The following APOLD1 variants were observed in gnomAD, a reference collection of about 807,000 sequenced individuals.
APOLD1 encodes apolipoprotein L domain-containing protein 1.
Under a neutral mutation model 15.3 loss-of-function variants are expected in APOLD1, and 22 were observed. The ratio of observed to expected loss-of-function variants is 1.44; its 90% CI spans 1.03 to 2.05. The LOEUF (loss-of-function observed/expected upper bound fraction) is 2.05. Among genes scored for constraint, APOLD1 ranks in the 30% most tolerant of loss-of-function variants. The pLI is 0.00. For missense variants in APOLD1, 394 were observed against 353.5 expected (o/e 1.11, Z -0.92); for synonymous variants, 190 against 167.4 (o/e 1.13, Z -1.04).
intron 1 of APOLD1, among the ~76,000 whole-genome samples, chr12:12,737,103 T>A (rs60860152): frequency 0.043 from 6,501 of 152,322 alleles, 440 homozygotes; most frequent in African/African-American, 0.15. Context: ...AGCATTTTTG[T>A]CTTTCATTTT....
intron 1 of APOLD1, among the ~76,000 whole-genome samples, chr12:12,763,292 T>G (rs117912778): frequency 0.015 from 2,228 of 152,174 alleles, 29 homozygotes; most frequent in Middle Eastern, 0.027. Context: ...AAAACTACCC[T>G]CTTAACAATT....
chr12:12,768,199 T>G (rs16908422), intron 1 of APOLD1, among the ~76,000 whole-genome samples: 9,890 of 152,184 alleles, frequency 0.065, 564 homozygotes, highest in East Asian at 0.27. Context: ...TATTGAACAA[T>G]TGAAAAGGTC....
intron 1 of APOLD1, among the ~76,000 whole-genome samples, chr12:12,750,299 G>A (rs1389924490): frequency 6.8e-6 from 1 of 147,586 alleles, no homozygotes. Flanking sequence ...TTGAACCCGG[G>A]AGACGGAGGT....
At chr12:12,781,681 C>T (rs1472812927), upstream of APOLD1, among the ~76,000 whole-genome samples, 2 of 151,492 alleles carry the variant, frequency 1.3e-5, no homozygotes, top group South Asian at 4.2e-4. Flanking sequence ...GCGCCTGCCA[C>T]CATGCCCGGC....
Position 12,787,557 on chromosome 12 carries a change from G to C in APOLD1, c.652G>C (p.Glu218Gln). Residue 218 changes from glutamate to glutamine, a missense_variant, in exon 2 of 2, where the codon GAG (glutamate) becomes CAG (glutamine). Coordinates refer to ENST00000356591, the MANE Select transcript of APOLD1 (RefSeq NM_030817.3). The surrounding 1 kb of genome is among the most constrained non-coding windows in gnomAD (Gnocchi z 4.9). The stretch of plus-strand genomic sequence containing the variant: ...CACCGGGGCTCTGGACGAACTCAGC[G>C]AGCAGCTGGAGTCTCGGGTTCAGCT... ...SCTGALDELS[E>Q]QLESRVQLCT... 1 of 1,613,612 alleles carries C rather than the reference G, an allele frequency of 6.2e-7. No individual in the cohort carries two copies. The highest frequency in any genetic ancestry group is 8.5e-7 in the Non-Finnish European group (1 of 1,180,040).
chr12:12,736,216 T>C (rs1946684068), intron 1 of APOLD1, among the ~76,000 whole-genome samples: 1 of 151,870 alleles, frequency 6.6e-6, no homozygotes, highest in African/African-American at 2.4e-5. Flanking sequence ...GTGAGCGTGG[T>C]GGTGTGTGCC....
chr12:12,785,857 C>G (rs1947119833), intron 1 of APOLD1, among the ~76,000 whole-genome samples, 163 bp downstream of exon 1: 1 of 152,198 alleles, frequency 6.6e-6, no homozygotes, highest in Non-Finnish European at 1.5e-5. Context: ...TGTGAAGAAT[C>G]AGCTGCTTCT....
At chr12:12,727,413 A>G (rs911165431) in intron 1 of APOLD1, among the ~76,000 whole-genome samples, 3 of 152,068 alleles carry the variant, frequency 2.0e-5, no homozygotes, top group African/African-American at 7.3e-5. Context: ...ATGTGTCTCA[A>G]ATTATATTTC....
intron 1 of APOLD1, among the ~76,000 whole-genome samples, chr12:12,751,238 C>G (rs113677865): frequency 1.3e-5 from 2 of 152,136 alleles, no homozygotes; most frequent in Admixed American, 6.5e-5. Context: ...ATGGTCCTCA[C>G]AGGCTGTCAA....
At chr12:12,746,139 G>A (rs1010815830) in intron 1 of APOLD1, among the ~76,000 whole-genome samples, 3 of 152,112 alleles carry the variant, frequency 2.0e-5, no homozygotes, top group Non-Finnish European at 4.4e-5. Context: ...CAAAAGGAAG[G>A]GTGGTGGGAA....
chr12:12,780,879 C>T (rs1011360640), upstream of APOLD1, among the ~76,000 whole-genome samples: 35 of 150,106 alleles, frequency 2.3e-4, no homozygotes, highest in Admixed American at 2.2e-3. Context: ...TCACCATGCC[C>T]GGCCTGAATT....
chr12:12,736,145 T>C (rs1013745862), intron 1 of APOLD1, among the ~76,000 whole-genome samples: 7 of 151,324 alleles, frequency 4.6e-5, no homozygotes, highest in African/African-American at 1.7e-4. Flanking sequence ...CACTCAGGAG[T>C]TCAAGACTGG....
chr12:12,762,270 A>T (rs1027887760), intron 1 of APOLD1, among the ~76,000 whole-genome samples: 1 of 152,140 alleles, frequency 6.6e-6, no homozygotes, highest in African/African-American at 2.4e-5. Context: ...ATAGCTAAGG[A>T]TGGAGACAGC....
intron 1 of APOLD1, among the ~76,000 whole-genome samples, chr12:12,767,763 G>C (rs968991867): frequency 7.2e-5 from 11 of 152,194 alleles, no homozygotes; most frequent in Admixed American, 3.9e-4. Flanking sequence ...GTACATGAAA[G>C]GAGGTGAGTA....
chr12:12,774,025 G>C (rs1314705553), intron 1 of APOLD1, among the ~76,000 whole-genome samples: 1 of 152,038 alleles, frequency 6.6e-6, no homozygotes, highest in African/African-American at 2.4e-5. Context: ...GATGACCCTG[G>C]ACTTGGTGAT....
chr12:12,726,028 C>A, exon 1 of APOLD1: 1 of 1,525,468 alleles, frequency 6.6e-7, no homozygotes, highest in Non-Finnish European at 8.8e-7. Flanking sequence ...TCACCGGCTG[C>A]GGGCCAGGGG....
At chr12:12,746,453 A>G (rs1176325767) in intron 1 of APOLD1, among the ~76,000 whole-genome samples, 4 of 152,158 alleles carry the variant, frequency 2.6e-5, no homozygotes, top group East Asian at 1.9e-4. Context: ...CCGAGATCGC[A>G]CCACTGCACT....
intron 1 of APOLD1, chr12:12,726,377 C>T: frequency 2.0e-6 from 1 of 505,520 alleles, no homozygotes; most frequent in Non-Finnish European, 3.7e-6. Flanking sequence ...TTTCTGGGTA[C>T]GGAAATTCTT....
At position 12,786,947 on chromosome 12, in the gene APOLD1, C is replaced by T. The variant is rs1350559235; in HGVS notation, c.42C>T (p.Pro14=). ...ERPAAREPHG[P]DALRRFQGLL... Reference sequence around the variant, plus strand: ...CGGCGGCCCGGGAGCCGCATGGGCCCGACGCGCTGCGGCGCTTCCAGGGAC... The same window carrying T: ...CGGCGGCCCGGGAGCCGCATGGGCCTGACGCGCTGCGGCGCTTCCAGGGAC... The change falls in exon 2 of 2, where the codon CCC becomes CCT. Residue 14 remains proline, a synonymous_variant. Coordinates refer to ENST00000356591, the MANE Select transcript of APOLD1 (RefSeq NM_030817.3). 6.2e-6 allele frequency: 9 copies of T among 1,459,220 alleles called. No individual in the cohort carries two copies. Among genetic ancestry groups the T allele is most frequent in the Non-Finnish European group, 7.2e-6 (8 of 1,114,496 alleles). The allele number at this position is 1,459,220 out of a possible 1,614,324, so 90.4% of individuals were successfully genotyped here. A position where few individuals can be genotyped will look rare whatever the true frequency, so the allele number is the denominator to read the frequency against.
Sources: gnomAD v4.1 joint callset for allele counts (sites outside exome capture counted in the v4.1 genomes callset) on GRCh38, gnomAD v4.1.1 for gene constraint, Gnocchi (gnomAD v3.1) non-coding constraint, MANE v1.5 for transcripts, NCBI Gene and HGNC (gene_info 2026-07-23, HGNC 2026-07-21) for gene names.